Variants in GRM1 observed in about 807,000 individuals in gnomAD.
GRM1 encodes metabotropic glutamate receptor 1.
In GRM1, 33 loss-of-function variants were observed where a neutral mutation model predicts 90.9. The observed-to-expected ratio is 0.36, with a 90% CI of 0.28 to 0.49. The LOEUF (loss-of-function observed/expected upper bound fraction) is 0.49. Ranked by LOEUF, GRM1 falls within the 20% of genes least tolerant of loss-of-function variation. The pLI is 0.99. For missense variants in GRM1, 1,190 were observed against 1,534.3 expected, an observed-to-expected ratio of 0.78 and a Z score of 3.75; for synonymous variants, 700 against 613.2, an observed-to-expected ratio of 1.14 and a Z score of -2.09.
At chr6:146,408,790 G>C (rs1347235250) in intron 7 of GRM1, among the ~76,000 whole-genome samples, 1 of 152,130 alleles carries the variant, frequency 6.6e-6, no homozygotes, top group Non-Finnish European at 1.5e-5. Flanking sequence ...TCCCTGCTTG[G>C]CCTCAGCTAA....
intron 2 of GRM1, among the ~76,000 whole-genome samples, chr6:146,185,797 C>T (rs1009866959): frequency 7.2e-5 from 11 of 152,164 alleles, no homozygotes; most frequent in African/African-American, 2.7e-4. Context: ...TTCTTATCCA[C>T]ATATCTCTAA....
At chr6:146,313,973 C>T (rs1009229901) in intron 3 of GRM1, among the ~76,000 whole-genome samples, 1 of 143,214 alleles carries the variant, frequency 7.0e-6, no homozygotes. Flanking sequence ...ATTATAAACT[C>T]TTTTCTGCCT....
intron 5 of GRM1, among the ~76,000 whole-genome samples, chr6:146,361,393 A>G (rs182734289): frequency 6.6e-6 from 1 of 152,322 alleles, no homozygotes; most frequent in Admixed American, 6.5e-5. Context: ...TAAAATCTGA[A>G]CAGTGTTATG....
chr6:146,104,757 G>C (rs1431502934), intron 1 of GRM1, among the ~76,000 whole-genome samples: 3 of 152,188 alleles, frequency 2.0e-5, no homozygotes, highest in African/African-American at 7.2e-5. Flanking sequence ...ATTCATAAAT[G>C]CAACACCATA....
intron 2 of GRM1, among the ~76,000 whole-genome samples, chr6:146,202,896 GAAAT>G (rs1779351198): frequency 6.6e-6 from 1 of 152,112 alleles, no homozygotes; most frequent in Non-Finnish European, 1.5e-5. Flanking sequence ...GCTACTGTAA[GAAAT>G]AAATCCCTGA....
At chr6:146,162,698 G>T (rs1490114640) in intron 2 of GRM1, among the ~76,000 whole-genome samples, 1 of 151,956 alleles carries the variant, frequency 6.6e-6, no homozygotes, top group Non-Finnish European at 1.5e-5. Context: ...TTGACCACTT[G>T]GAATGAGCTG....
chr6:146,116,067 C>T (rs567816898), intron 1 of GRM1, among the ~76,000 whole-genome samples: 1 of 152,316 alleles, frequency 6.6e-6, no homozygotes, highest in African/African-American at 2.4e-5. Context: ...TCTCTTCCCT[C>T]AGCCTCCCAA....
At chr6:146,214,617 A>G (rs1018543274) in intron 2 of GRM1, among the ~76,000 whole-genome samples, 9 of 152,200 alleles carry the variant, frequency 5.9e-5, no homozygotes, top group African/African-American at 2.2e-4. Context: ...CTCATAATTA[A>G]GTAGGGGGTG....
chr6:146,029,810 A>G lies in GRM1; in HGVS notation c.293A>G (p.Asn98Ser), dbSNP rs939211361. The change falls in exon 1 of 8, where the codon AAC (asparagine) becomes AGC (serine). Residue 98 changes from asparagine to serine, a missense_variant. This residue lies in a region of GRM1 where 91 missense variants were observed against 95.6 expected (regional missense o/e 0.95). Transcript: ENST00000282753. Reference sequence around the variant, plus strand: ...AACGCGGACCCGGTCCTCCTGCCCAACATCACCCTGGGCAGTGAGATCCGG... The same window carrying G: ...AACGCGGACCCGGTCCTCCTGCCCAGCATCACCCTGGGCAGTGAGATCCGG... ...KINADPVLLPNITLGSEIRDS... is the reference protein window; with the variant it reads ...KINADPVLLPSITLGSEIRDS... 9.9e-6 allele frequency: 16 copies of G among 1,613,978 alleles called. No homozygotes were observed. In the African/African-American group the frequency reaches 2.1e-4, roughly 22 times the overall value.
intron 6 of GRM1, among the ~76,000 whole-genome samples, chr6:146,387,815 G>A (rs956109190): frequency 7.2e-5 from 11 of 152,052 alleles, no homozygotes; most frequent in African/African-American, 2.7e-4. Context: ...TTGGCTTTGA[G>A]CACAGGAGAA....
At chr6:146,250,560 G>A (rs1781233987) in intron 2 of GRM1, among the ~76,000 whole-genome samples, 1 of 152,220 alleles carries the variant, frequency 6.6e-6, no homozygotes, top group Non-Finnish European at 1.5e-5. Context: ...CAGCCATGCA[G>A]AACTGTGACT....
At chr6:146,340,895 GA>G (rs1784950268) in intron 3 of GRM1, among the ~76,000 whole-genome samples, 1 of 152,196 alleles carries the variant, frequency 6.6e-6, no homozygotes, top group Non-Finnish European at 1.5e-5. Context: ...CTCTTATTGA[GA>G]AGGTTGCCTC....
At chr6:146,177,613 G>A (rs1163568905) in intron 2 of GRM1, among the ~76,000 whole-genome samples, 1 of 152,032 alleles carries the variant, frequency 6.6e-6, no homozygotes, top group Non-Finnish European at 1.5e-5. Context: ...AAAATGAATT[G>A]CATTCCTTTC....
chr6:146,086,966 T>A (rs766878110), intron 1 of GRM1, among the ~76,000 whole-genome samples: 4 of 152,100 alleles, frequency 2.6e-5, no homozygotes, highest in Admixed American at 6.6e-5. Flanking sequence ...AAGTGCAGAT[T>A]TCCCCCCTTT....
intron 6 of GRM1, among the ~76,000 whole-genome samples, chr6:146,389,853 G>A (rs1277696698): frequency 6.6e-6 from 1 of 151,948 alleles, no homozygotes; most frequent in Non-Finnish European, 1.5e-5. Flanking sequence ...TATTGATTCT[G>A]CCTTTCTTTT....
intron 1 of GRM1, among the ~76,000 whole-genome samples, chr6:146,132,129 C>T (rs543513187): frequency 1.3e-5 from 2 of 152,292 alleles, no homozygotes; most frequent in South Asian, 4.1e-4. Context: ...TCACATGGAA[C>T]ATCTTAAGCT....
At chr6:146,360,003 A>G (rs1218262200) in intron 5 of GRM1, among the ~76,000 whole-genome samples, 1 of 152,124 alleles carries the variant, frequency 6.6e-6, no homozygotes, top group Non-Finnish European at 1.5e-5. Context: ...TTTGAGTCGT[A>G]TTTACCAAAT....
rs1161109334 is a variant in GRM1, at chr6:146,434,103, G to A, written c.2892G>A (p.Gln964=). ...LYNVEEEEDA[Q]PIRFSPPGSP... ...ACGTAGAGGAGGAGGAGGATGCCCAGCCGATTCGCTTTAGCCCGCCTGGTA... is the reference window on the plus strand; with the variant it reads ...ACGTAGAGGAGGAGGAGGATGCCCAACCGATTCGCTTTAGCCCGCCTGGTA... The change falls in exon 8 of 8, where the codon CAG becomes CAA. Residue 964 remains glutamine, a synonymous_variant. Transcript: ENST00000282753. 6 of 1,614,212 alleles carry A rather than the reference G, an allele frequency of 3.7e-6. No homozygotes were observed. Among genetic ancestry groups the A allele is most frequent in the Non-Finnish European group, 5.1e-6 (6 of 1,180,036 alleles).
In GRM1 at chr6:146,261,365, G is replaced by A. The variant is rs532266888; in HGVS notation, c.951-43246G>A. On this transcript the variant is annotated intron_variant, in intron 2 of 7. Coordinates refer to ENST00000282753, the MANE Select transcript of GRM1 (RefSeq NM_001278064.2). ...TACCCAAATGCCTTGGAACCTGGTC[G>A]AGGAGTTGTTTTGTGGATCTTCTAA... Among the ~76,000 whole-genome samples the A allele has an allele frequency of 1.2e-3, 184 of 152,232 alleles. 1 individual carries two copies. Among genetic ancestry groups the A allele is most frequent in the African/African-American group, 4.4e-3 (181 of 41,554 alleles).
Sources: allele counts gnomAD v4.1 joint callset (sites outside exome capture counted in the v4.1 genomes callset), GRCh38; gene constraint gnomAD v4.1.1; regional missense constraint gnomAD v4.1.1; transcripts MANE v1.5; gene names NCBI Gene and HGNC (gene_info 2026-07-23, HGNC 2026-07-21).